The following SYNE1 variants were observed in gnomAD, a reference collection of about 807,000 sequenced individuals.
SYNE1 encodes the protein nesprin-1.
A neutral mutation model predicts 1,111.0 loss-of-function variants in SYNE1; 616 were observed. That is an observed-to-expected ratio of 0.55 (90% CI 0.52 to 0.59). The LOEUF (loss-of-function observed/expected upper bound fraction) is 0.59. Among genes scored for constraint, SYNE1 ranks in the 20% least tolerant of loss-of-function variants. The pLI is 0.00. For missense variants in SYNE1, 10,006 were observed against 10,417.0 expected (o/e 0.96, Z 1.72); for synonymous variants, 3,855 against 3,825.8 (o/e 1.01, Z -0.28).
At position 152,429,079 on chromosome 6, in the gene SYNE1, C is replaced by A. The variant is rs185331307; in HGVS notation, c.4789-687G>T. 4.9e-3 allele frequency among the ~76,000 whole-genome samples: 632 copies of A among 127,766 alleles called. 6 individuals carry two copies. Among genetic ancestry groups the A allele is most frequent in the African/African-American group, 0.019 (599 of 30,932 alleles). 83.8% of individuals were successfully genotyped at this position (127,766 alleles called of 152,430 possible). On this transcript the variant is annotated intron_variant, in intron 36 of 145. Coordinates refer to ENST00000367255, the MANE Select transcript of SYNE1 (RefSeq NM_182961.4). ...TATGGCTGAAGAAGCTACTGTCTAT[C>A]TCAATAGTAATAATAATAATAATAA...
At chr6:152,373,776 T>C (rs749689715) in intron 58 of SYNE1, among the ~76,000 whole-genome samples, 11 of 152,064 alleles carry the variant, frequency 7.2e-5, no homozygotes, top group Non-Finnish European at 1.6e-4. Flanking sequence ...GGAGAAGAAA[T>C]GAAGACCAAG....
chr6:152,335,047 G>C (rs2096351807), intron 76 of SYNE1, among the ~76,000 whole-genome samples: 1 of 152,284 alleles, frequency 6.6e-6, no homozygotes, highest in East Asian at 1.9e-4. Context: ...ACAGCAAAAA[G>C]AAACCTCTAA....
Position 152,377,868 on chromosome 6 carries a change from C to A in SYNE1, c.9010-956G>T, listed in dbSNP as rs181042546. On this transcript the variant is annotated intron_variant, in intron 56 of 145. Coordinates refer to ENST00000367255, the MANE Select transcript of SYNE1 (RefSeq NM_182961.4). ...TTTTGCTGGATTCTGGGACCCAAGT[C>A]CCCCCACGAATAAAGGTAAGATTCT... Among the ~76,000 whole-genome samples the A allele has an allele frequency of 3.7e-3, 563 of 151,624 alleles. 2 individuals carry two copies. Among genetic ancestry groups the A allele is most frequent in the Middle Eastern group, 0.014 (4 of 294 alleles).
At chr6:152,410,791 T>C (rs1463161559) in intron 42 of SYNE1, among the ~76,000 whole-genome samples, 2 of 152,182 alleles carry the variant, frequency 1.3e-5, no homozygotes, top group Non-Finnish European at 2.9e-5. Flanking sequence ...ATCTAGAGAT[T>C]TTCCAAAGAA....
chr6:152,355,062 C>A (rs1452670699), intron 66 of SYNE1, 86 bp from the exon 67 acceptor site: 2 of 1,431,014 alleles, frequency 1.4e-6, no homozygotes, highest in Admixed American at 1.7e-5. Flanking sequence ...CAACTGTGCC[C>A]ACTTGAACTT....
chr6:152,142,336 T>C (rs1040021712), intron 138 of SYNE1, among the ~76,000 whole-genome samples: 1 of 152,120 alleles, frequency 6.6e-6, no homozygotes, highest in African/African-American at 2.4e-5. Context: ...AATTGAAATG[T>C]GGGAACGTTA....
At chr6:152,207,561 A>G (rs2076746444) in intron 125 of SYNE1, among the ~76,000 whole-genome samples, 1 of 152,198 alleles carries the variant, frequency 6.6e-6, no homozygotes, top group African/African-American at 2.4e-5. Flanking sequence ...CCTGAAGGTA[A>G]GGGGCAACCT....
At chr6:152,317,988 T>C in intron 86 of SYNE1, 93 bp downstream of exon 86, 1 of 1,536,854 alleles carries the variant, frequency 6.5e-7, no homozygotes, top group Non-Finnish European at 9.0e-7. Flanking sequence ...CCATTTTATC[T>C]TTTTATTTAT....
rs1586776120 is a variant in SYNE1 at position 152,169,671 on chromosome 6, T to C, written c.23628-5346A>G. ...AAATCAAAAGATTATCCAGGCACAG[T>C]GGCATGCATCTGTAGTCCCAGGTAA... On this transcript the variant is annotated intron_variant, in intron 130 of 145. Transcript: ENST00000367255. Among the ~76,000 whole-genome samples the C allele has an allele frequency of 2.1e-5, 3 of 141,190 alleles. No homozygotes were observed. In the South Asian group the frequency reaches 6.8e-4, roughly 32 times the overall value. The allele number at this position is 141,190 out of a possible 152,430, so 92.6% of individuals were successfully genotyped here. A position where few individuals can be genotyped will look rare whatever the true frequency, so the allele number is the denominator to read the frequency against.
chr6:152,143,945 A>G, intron 137 of SYNE1, 180 bp from the exon 138 acceptor site: 3 of 847,122 alleles, frequency 3.5e-6, no homozygotes, highest in South Asian at 1.6e-5. Context: ...AAAATGGCCA[A>G]ACCAATGAAG....
At chr6:152,172,769 G>C (rs2065525690) in intron 130 of SYNE1, among the ~76,000 whole-genome samples, 1 of 152,080 alleles carries the variant, frequency 6.6e-6, no homozygotes. Flanking sequence ...TTTAAAAAAA[G>C]CCAAGGGCTC....
At position 152,290,499 on chromosome 6, in the gene SYNE1, T is replaced by A. The variant is rs2094551138; in HGVS notation, c.18012+3089A>T. 2.6e-5 allele frequency among the ~76,000 whole-genome samples: 4 copies of A among 152,276 alleles called. No individual in the cohort carries two copies. The South Asian group carries it at 8.3e-4, about 32-fold the overall frequency. On this transcript the variant is annotated intron_variant, in intron 95 of 145. Transcript: ENST00000367255. ...TTGAACCTGGGAGGTGAGGTTGCAG[T>A]GAGCCAAGATCACGTCACTACATTC...
At chr6:152,182,342 G>T (rs543390879) in intron 128 of SYNE1, among the ~76,000 whole-genome samples, 1 of 152,274 alleles carries the variant, frequency 6.6e-6, no homozygotes, top group Non-Finnish European at 1.5e-5. Context: ...TTCTTCCACA[G>T]TCTTGTTCAT....
At position 152,368,799 on chromosome 6, in the gene SYNE1, A is replaced by T. The variant is rs951881065; in HGVS notation, c.9807+173T>A. On this transcript the variant is annotated intron_variant, in intron 61 of 145. Coordinates refer to ENST00000367255, the MANE Select transcript of SYNE1 (RefSeq NM_182961.4). ...GCCACATCAAGCTTATGCAACAACA[A>T]TGATGAACTCAGATTGCAAGGCTAA... is the stretch of plus-strand genomic sequence containing the variant. 1.9e-5 allele frequency: 15 copies of T among 791,802 alleles called. No homozygotes were observed. The East Asian group carries it at 3.8e-4, about 20-fold the overall frequency. The allele number at this position is 791,802 out of a possible 1,614,324, so 49.0% of individuals were successfully genotyped here.
In SYNE1 at chr6:152,148,062, C is replaced by T. The variant is rs748328529; in HGVS notation, c.24959G>A (p.Gly8320Glu). ...GQDDKDFYLR[G>E]AVGLSGDHSA... ...TTTCCTACCTGATAAGCCAACAGCT[C>T]CCCGGAGGTAGAAATCTTTGTCATC... Residue 8320 changes from glycine to glutamate, a missense_variant, in exon 137 of 146, where the codon GGA becomes GAA. By Grantham distance (98) the Gly-to-Glu change is moderately conservative. Transcript: ENST00000367255. The surrounding 1 kb of genome is among the most constrained non-coding windows in gnomAD (Gnocchi z 4.1). The T allele has an allele frequency of 1.1e-5, 18 of 1,613,916 alleles. No individual in the cohort carries two copies. Among genetic ancestry groups the T allele is most frequent in the East Asian group, 6.7e-5 (3 of 44,880 alleles).
intron 3 of SYNE1, among the ~76,000 whole-genome samples, chr6:152,540,281 T>C (rs2099263157): frequency 6.6e-6 from 1 of 152,154 alleles, no homozygotes; most frequent in Non-Finnish European, 1.5e-5. Context: ...TTACTTAAAA[T>C]TCACTGATGA....
At position 152,143,663 on chromosome 6, in the gene SYNE1, G is replaced by T; in HGVS notation, c.25079C>A (p.Thr8360Asn). 6.2e-7 allele frequency: 1 copy of T among 1,614,210 alleles called. No individual in the cohort carries two copies. The highest frequency in any genetic ancestry group is 2.2e-5 in the East Asian group (1 of 44,886). The change falls in exon 138 of 146, where the codon ACT becomes AAT. Residue 8360 changes from threonine to asparagine, a missense_variant. Around this residue, in one of 7 missense-constraint regions of SYNE1, gnomAD observed 761 missense variants for 795.5 expected, o/e 0.96. Transcript: ENST00000367255. ...QQTENIIRSK[T>N]PTGPELDTSY... ...GGTGTCTAGCTCCGGCCCCGTGGGA[G>T]TTTTGCTGCGAATGATATTTTCGGT...
chr6:152,381,598 C>G, intron 55 of SYNE1: 1 of 575,182 alleles, frequency 1.7e-6, no homozygotes, highest in Non-Finnish European at 3.1e-6. Flanking sequence ...CTGAAACAGA[C>G]TAAACAGAGA....
chr6:152,302,163 G>C (rs2095207202), intron 91 of SYNE1, 100 bp from the exon 92 acceptor site: 5 of 1,530,444 alleles, frequency 3.3e-6, no homozygotes, highest in Middle Eastern at 1.7e-4. Context: ...TGAGCGCGCA[G>C]AGCCGCGCGG....
Sources: gnomAD v4.1 joint callset for allele counts (sites outside exome capture counted in the v4.1 genomes callset) on GRCh38, gnomAD v4.1.1 for gene constraint, gnomAD v4.1.1 regional missense constraint, Gnocchi (gnomAD v3.1) non-coding constraint, MANE v1.5 for transcripts, NCBI Gene and HGNC (gene_info 2026-07-23, HGNC 2026-07-21) for gene names.